The following TTLL1 variants were observed in gnomAD, a reference collection of about 807,000 sequenced individuals.
The protein encoded by TTLL1 is polyglutamylase complex subunit TTLL1.
Under a neutral mutation model 47.8 loss-of-function variants are expected in TTLL1, and 33 were observed. The ratio of observed to expected loss-of-function variants is 0.69; its 90% CI spans 0.52 to 0.92. TTLL1 has a LOEUF of 0.92. Among genes scored for constraint, TTLL1 ranks in the 40% least tolerant of loss-of-function variants. TTLL1 has a pLI of 0.00. For synonymous variants in TTLL1, 225 were observed against 214.1 expected, an observed-to-expected ratio of 1.05 and a Z score of -0.45; for missense variants, 488 against 547.5, an observed-to-expected ratio of 0.89 and a Z score of 1.08.
intron 10 of TTLL1, 27 bp downstream of exon 10, chr22:43,046,383 C>A: frequency 6.2e-7 from 1 of 1,610,852 alleles, no homozygotes; most frequent in Non-Finnish European, 8.5e-7. Flanking sequence ...CACAGAAGGA[C>A]AAGCGCACAG....
At chr22:43,068,185 C>T (rs1049155107) in intron 5 of TTLL1, among the ~76,000 whole-genome samples, 6 of 150,854 alleles carry the variant, frequency 4.0e-5, no homozygotes, top group East Asian at 2.0e-4. Flanking sequence ...GGCGTGGTGA[C>T]GCATGCCTGT....
intron 8 of TTLL1, among the ~76,000 whole-genome samples, chr22:43,057,540 G>A (rs1345050694): frequency 6.6e-6 from 1 of 152,130 alleles, no homozygotes; most frequent in Non-Finnish European, 1.5e-5. Context: ...TTTGAGCTTT[G>A]GGAGTTTTGT....
At chr22:43,041,675 C>T (rs1010444742) in intron 10 of TTLL1, among the ~76,000 whole-genome samples, 6 of 151,478 alleles carry the variant, frequency 4.0e-5, no homozygotes, top group South Asian at 4.2e-4. Flanking sequence ...CCACCACGCC[C>T]GGCTAACTTT....
At chr22:43,045,763 C>T (rs879806244) in intron 10 of TTLL1, among the ~76,000 whole-genome samples, 11 of 151,776 alleles carry the variant, frequency 7.2e-5, no homozygotes, top group Non-Finnish European at 1.0e-4. Context: ...GCTATCCTAG[C>T]GGCCAAGCAC....
At chr22:43,069,269 G>A (rs1469066199) in intron 4 of TTLL1, among the ~76,000 whole-genome samples, 1 of 150,140 alleles carries the variant, frequency 6.7e-6, no homozygotes, top group Non-Finnish European at 1.5e-5. Context: ...GAGGGCACCA[G>A]TAGTCCCAGC....
intron 8 of TTLL1, among the ~76,000 whole-genome samples, chr22:43,054,423 C>CTTTTTTTT (rs767193512): frequency 7.2e-6 from 1 of 139,248 alleles, no homozygotes; most frequent in African/African-American, 2.6e-5. Context: ...GACATAATCT[C>CTTTTTTTT]TTTTTTTTTT....
At chr22:43,047,471 T>C (rs891967299) in intron 9 of TTLL1, among the ~76,000 whole-genome samples, 2 of 152,100 alleles carry the variant, frequency 1.3e-5, no homozygotes, top group Non-Finnish European at 2.9e-5. Context: ...CAGTCACTAC[T>C]TTTTTTGGTT....
At chr22:43,063,967 A>G in intron 6 of TTLL1, 46 bp from the exon 7 acceptor site, 4 of 1,583,636 alleles carry the variant, frequency 2.5e-6, no homozygotes, top group Non-Finnish European at 3.5e-6. Context: ...AGAAACAAAA[A>G]GAAAAGACAC....
At position 43,040,048 on chromosome 22, in the gene TTLL1, C is replaced by A. The variant is rs1244447516; in HGVS notation, c.1143-143G>T. 1.2e-5 allele frequency: 14 copies of A among 1,131,702 alleles called. No individual in the cohort carries two copies. The African/African-American group carries it at 2.2e-4, about 18-fold the overall frequency. 70.1% of individuals were successfully genotyped at this position (1,131,702 alleles called of 1,614,324 possible). On this transcript the variant is annotated intron_variant, in intron 10 of 10. Transcript: ENST00000266254. ...CACCCTCGCGACTCCTGCTGGCTCC[C>A]GCCCACCTCCCACCTGGCTCCAGCC...
At chr22:43,074,442 AAAAAGAAAG>A (rs1928348847) in intron 3 of TTLL1, among the ~76,000 whole-genome samples, 2 of 151,462 alleles carry the variant, frequency 1.3e-5, no homozygotes, top group South Asian at 4.1e-4. Flanking sequence ...AAAAAAAAAA[AAAAAGAAAG>A]AAAGAAAGAA....
At chr22:43,052,930 C>T (rs1000662215) in intron 8 of TTLL1, among the ~76,000 whole-genome samples, 1 of 151,702 alleles carries the variant, frequency 6.6e-6, no homozygotes, top group African/African-American at 2.4e-5. Context: ...CGTGGTGGCG[C>T]GTGCCTGTAA....
intron 10 of TTLL1, among the ~76,000 whole-genome samples, chr22:43,045,782 G>C (rs1926078294): frequency 6.6e-6 from 1 of 151,862 alleles, no homozygotes; most frequent in South Asian, 2.1e-4. Context: ...ACTCCACCCA[G>C]CCTACTCCAG....
chr22:43,052,554 A>G (rs762700624), intron 8 of TTLL1, among the ~76,000 whole-genome samples: 1 of 151,682 alleles, frequency 6.6e-6, no homozygotes, highest in Non-Finnish European at 1.5e-5. Context: ...AGCCTGAGCA[A>G]CACAGCGAGA....
chr22:43,056,061 T>C (rs1429471689), intron 8 of TTLL1, among the ~76,000 whole-genome samples: 1 of 151,970 alleles, frequency 6.6e-6, no homozygotes, highest in African/African-American at 2.4e-5. Flanking sequence ...GAGACTGTTT[T>C]CTATAAATAT....
Position 43,051,844 on chromosome 22 carries a change from T to C in TTLL1, c.935A>G (p.Tyr312Cys), listed in dbSNP as rs372852715. ...CAGCTTGTCGTCGATGATGATGTCG[T>C]AGCCATAGCATTCAAAGCAGTGCTT... ...NDKHCFECYG[Y>C]DIIIDDKLKP... is the part of the protein sequence containing the mutation. Residue 312 changes from tyrosine (Y) to cysteine (C), a missense_variant, in exon 9 of 11, where the codon TAC (tyrosine) becomes TGC (cysteine). By Grantham distance (194) the Tyr-to-Cys change is radical. Transcript: ENST00000266254. The C allele has an allele frequency of 9.9e-6, 16 of 1,614,008 alleles. No individual in the cohort carries two copies. Among genetic ancestry groups the C allele is most frequent in the Non-Finnish European group, 1.4e-5 (16 of 1,180,004 alleles).
At chr22:43,066,552 T>C (rs567020006) in intron 5 of TTLL1, among the ~76,000 whole-genome samples, 4 of 151,746 alleles carry the variant, frequency 2.6e-5, no homozygotes, top group Non-Finnish European at 4.4e-5. Flanking sequence ...GATGAAACCC[T>C]GCCTCTACAA....
At chr22:43,065,349 GCGTGATCTTGGCT>G (rs1927660677) in intron 5 of TTLL1, among the ~76,000 whole-genome samples, 1 of 151,764 alleles carries the variant, frequency 6.6e-6, no homozygotes, top group South Asian at 2.1e-4. Context: ...GAGTGCACTG[GCGTGATCTTGGCT>G]CACTGCAACC....
rs1442185661 is a variant in TTLL1, at chr22:43,069,781, G to T, written c.177C>A (p.Asp59Glu). 1.2e-6 allele frequency: 2 copies of T among 1,614,134 alleles called. No individual in the cohort carries two copies. The highest frequency in any genetic ancestry group is 1.7e-6 in the Non-Finnish European group (2 of 1,180,018). The change falls in exon 4 of 11, where the codon GAC becomes GAA. Residue 59 changes from aspartate to glutamate, a missense_variant. Coordinates refer to ENST00000266254, the MANE Select transcript of TTLL1 (RefSeq NM_012263.5). ...GGTTTGGAAAATGGTTGACTATTTG[G>T]TCATCTGAGAGCCGATATCCAGCTT... ...SVEAGYRLSD[D>E]QIVNHFPNHY...
chr22:43,054,290 G>C (rs1926844124), intron 8 of TTLL1, among the ~76,000 whole-genome samples: 2 of 152,220 alleles, frequency 1.3e-5, no homozygotes, highest in African/African-American at 4.8e-5. Context: ...CTAGGTCCCG[G>C]GTTTTTTCTG....
Sources: allele counts gnomAD v4.1 joint callset (sites outside exome capture counted in the v4.1 genomes callset), GRCh38; gene constraint gnomAD v4.1.1; transcripts MANE v1.5; gene names NCBI Gene and HGNC (gene_info 2026-07-23, HGNC 2026-07-21).